The following NCOR1 variants were observed in gnomAD, a reference collection of about 807,000 sequenced individuals.
NCOR1 encodes protein phosphatase 1, regulatory subunit 109.
A neutral mutation model predicts 288.1 loss-of-function variants in NCOR1; 63 were observed. The ratio of observed to expected loss-of-function variants is 0.22; its 90% CI spans 0.18 to 0.27. NCOR1 has a LOEUF of 0.27. NCOR1 is among the 10% of genes least tolerant of loss of function. NCOR1 has a pLI of 1.00. For missense variants in NCOR1, 2,397 were observed against 3,019.2 expected, an observed-to-expected ratio of 0.79 and a Z score of 4.83; for synonymous variants, 1,007 against 1,065.9, an observed-to-expected ratio of 0.94 and a Z score of 1.08.
At position 16,029,347 on chromosome 17, in the gene NCOR1, T is replaced by A; in HGVS notation, c.*2949A>T. 5.0e-6 allele frequency: 2 copies of A among 399,116 alleles called. No individual in the cohort carries two copies. Among genetic ancestry groups the A allele is most frequent in the South Asian group, 1.9e-5 (1 of 53,474 alleles). 24.7% of individuals were successfully genotyped at this position (399,116 alleles called of 1,614,324 possible). A position where few individuals can be genotyped will look rare whatever the true frequency, so the allele number is the denominator to read the frequency against. On this transcript the variant is annotated 3_prime_UTR_variant, in exon 46 of 46. Coordinates refer to ENST00000268712, the MANE Select transcript of NCOR1 (RefSeq NM_006311.4). ...AGGAGGACTGATCTCCTTTACTGATTGGTCTAAATTCAAAAGTGAATTGGT... is the reference window on the plus strand; with the variant it reads ...AGGAGGACTGATCTCCTTTACTGATAGGTCTAAATTCAAAAGTGAATTGGT...
chr17:16,109,686 A>G (rs936120271), intron 18 of NCOR1, among the ~76,000 whole-genome samples: 6 of 152,190 alleles, frequency 3.9e-5, no homozygotes, highest in Non-Finnish European at 7.3e-5. Flanking sequence ...GCAATTTTAT[A>G]AGCAACAACT....
intron 22 of NCOR1, among the ~76,000 whole-genome samples, chr17:16,090,697 C>A (rs544268465): frequency 3.9e-5 from 6 of 152,088 alleles, no homozygotes; most frequent in Non-Finnish European, 8.8e-5. Context: ...TTTCCTAGCA[C>A]AAGATTTATG....
rs1356589785 is a variant in NCOR1, at chr17:16,092,679, ATATATATATATATATATT to A, written c.2821-639_2821-622del. ...TATATATATATATATATATATATAT[ATATATATATATATATATT>A]TTTTTTTTTTTTTTTTTTTAAGACA... On this transcript the variant is annotated intron_variant, in intron 21 of 45. Coordinates refer to ENST00000268712, the MANE Select transcript of NCOR1 (RefSeq NM_006311.4). Among the ~76,000 whole-genome samples the A allele has an allele frequency of 2.9e-3, 55 of 18,676 alleles. 3 individuals are homozygous for A. The highest frequency in any genetic ancestry group is 0.015 in the African/African-American group (53 of 3,488). 12.3% of individuals were successfully genotyped at this position (18,676 alleles called of 152,430 possible). A position where few individuals can be genotyped will look rare whatever the true frequency, so the allele number is the denominator to read the frequency against.
rs1384893813 is a variant in NCOR1 at position 16,029,662 on chromosome 17, G to GT, written c.*2633dup. The GT allele has an allele frequency of 1.8e-5, 3 of 167,462 alleles. No homozygotes were observed. The highest frequency in any genetic ancestry group is 3.3e-4 in the East Asian group (2 of 6,018). 10.4% of individuals were successfully genotyped at this position (167,462 alleles called of 1,614,324 possible). A position where few individuals can be genotyped will look rare whatever the true frequency, so the allele number is the denominator to read the frequency against. On this transcript the variant is annotated 3_prime_UTR_variant, in exon 46 of 46. Coordinates refer to ENST00000268712, the MANE Select transcript of NCOR1 (RefSeq NM_006311.4). ...ATGTTTTGGTTTGCAGTGAACCACA[G>GT]TAAGTTGTCAGTGCTGCTCTGTGCT...
rs779950557 is a variant in NCOR1, at chr17:16,186,656, T to C, written c.140A>G (p.His47Arg). The C allele has an allele frequency of 1.2e-6, 2 of 1,613,474 alleles. No homozygotes were observed. Among genetic ancestry groups the C allele is most frequent in the Non-Finnish European group, 1.7e-6 (2 of 1,179,562 alleles). The change falls in exon 3 of 46, where the codon CAT (histidine) becomes CGT (arginine). Residue 47 changes from histidine (H) to arginine (R), a missense_variant. By Grantham distance (29) the His-to-Arg change is conservative. Around this residue, in one of 11 missense-constraint regions of NCOR1, gnomAD observed 55 missense variants for 69.6 expected, o/e 0.79. Transcript: ENST00000268712. ...EFAVPDYRSS[H>R]LEVSQASQLL... Reference sequence around the variant, plus strand: ...CTGTGATGCCTGACTCACTTCAAGATGAGAGGAACGATAATCAGGGACTGC... The same window carrying C: ...CTGTGATGCCTGACTCACTTCAAGACGAGAGGAACGATAATCAGGGACTGC...
intron 15 of NCOR1, among the ~76,000 whole-genome samples, chr17:16,123,965 AAT>A (rs1247292089): frequency 6.6e-6 from 1 of 152,246 alleles, no homozygotes; most frequent in East Asian, 1.9e-4. Context: ...AAGCTTGTTA[AAT>A]AGTTTAGAAA....
chr17:16,062,417 G>T, intron 35 of NCOR1, 147 bp from the exon 36 acceptor site: 1 of 856,640 alleles, frequency 1.2e-6, no homozygotes, highest in Non-Finnish European at 1.6e-6. Context: ...CTACTTTCTG[G>T]CCTTTCCAGA....
At chr17:16,145,618 C>G (rs2077825729) in intron 10 of NCOR1, among the ~76,000 whole-genome samples, 1 of 152,056 alleles carries the variant, frequency 6.6e-6, no homozygotes, top group African/African-American at 2.4e-5. Flanking sequence ...AGCCCCTCTG[C>G]CCGGCAGCCG....
rs1599359683 is a variant in NCOR1, at chr17:16,144,495, T to C, written c.1083-799A>G. Among the ~76,000 whole-genome samples the C allele has an allele frequency of 2.0e-5, 3 of 152,180 alleles. No individual in the cohort carries two copies. The East Asian group carries it at 5.8e-4, about 29-fold the overall frequency. Reference sequence around the variant, plus strand: ...TACATGTGCAAGTTTGTTATATAGGTAAACCTGTGTCATGGGGATTTGTCG... The same window carrying C: ...TACATGTGCAAGTTTGTTATATAGGCAAACCTGTGTCATGGGGATTTGTCG... On this transcript the variant is annotated intron_variant, in intron 10 of 45. Transcript: ENST00000268712.
chr17:16,212,117 T>G (rs905792473), intron 1 of NCOR1, among the ~76,000 whole-genome samples: 2 of 151,638 alleles, frequency 1.3e-5, no homozygotes, highest in Admixed American at 1.3e-4. Context: ...ATACAAAAAT[T>G]AGCCAGGCAT....
intron 44 of NCOR1, chr17:16,039,133 A>G (rs976577745): frequency 7.4e-6 from 2 of 268,840 alleles, no homozygotes; most frequent in South Asian, 6.7e-5. Flanking sequence ...CAAAAACATT[A>G]TATTTGTGTT....
chr17:16,113,909 G>GA (rs749924815), intron 18 of NCOR1, among the ~76,000 whole-genome samples: 28 of 151,328 alleles, frequency 1.9e-4, no homozygotes, highest in Non-Finnish European at 1.6e-4. Context: ...AAAGAAAAAA[G>GA]AAAAAAATCT....
Position 16,147,819 on chromosome 17 carries a change from C to CA in NCOR1, c.910-1272dup, listed in dbSNP as rs371044674. 7.2e-3 allele frequency among the ~76,000 whole-genome samples: 1,098 copies of CA among 152,188 alleles called. 13 individuals are homozygous for CA. The highest frequency in any genetic ancestry group is 0.025 in the African/African-American group (1,057 of 41,536). ...GCATTCTTAATGTTGTAGCTAAATG[C>CA]AAATTCTTTTTTTTTTGGAACCAAG... On this transcript the variant is annotated intron_variant, in intron 9 of 45. Coordinates refer to ENST00000268712, the MANE Select transcript of NCOR1 (RefSeq NM_006311.4).
At chr17:16,207,467 C>T (rs1403940410) in intron 1 of NCOR1, among the ~76,000 whole-genome samples, 16 of 152,060 alleles carry the variant, frequency 1.1e-4, no homozygotes, top group Non-Finnish European at 2.1e-4. Flanking sequence ...CTTGGCGGGG[C>T]GCAGTGGCTC....
chr17:16,173,060 A>G (rs929663716), intron 3 of NCOR1, among the ~76,000 whole-genome samples: 2 of 151,950 alleles, frequency 1.3e-5, no homozygotes, highest in Admixed American at 6.6e-5. Flanking sequence ...CCTCCCCGGT[A>G]GCTGGGATTA....
Position 16,158,842 on chromosome 17 carries a change from G to A in NCOR1, c.650C>T (p.Pro217Leu), listed in dbSNP as rs1262435961. 1.2e-6 allele frequency: 2 copies of A among 1,614,092 alleles called. No homozygotes were observed. Among genetic ancestry groups the A allele is most frequent in the Non-Finnish European group, 1.7e-6 (2 of 1,179,996 alleles). Residue 217 changes from proline to leucine, a missense_variant, in exon 6 of 46, where the codon CCT becomes CTT. Pro to Leu is a moderately conservative substitution (Grantham distance 98). Coordinates refer to ENST00000268712, the MANE Select transcript of NCOR1 (RefSeq NM_006311.4). Reference sequence around the variant, plus strand: ...AGGGGACACGGGCTTCTCAGGCTCAGGAGGTTTAGCTGCCTCTTCTTCAAG... The same window carrying A: ...AGGGGACACGGGCTTCTCAGGCTCAAGAGGTTTAGCTGCCTCTTCTTCAAG... The part of the protein sequence containing the change: ...QQLEEEAAKP[P>L]EPEKPVSPPP...
At chr17:16,117,839 C>T (rs755091424) in intron 18 of NCOR1, 49 bp downstream of exon 18, 8 of 1,577,276 alleles carry the variant, frequency 5.1e-6, no homozygotes, top group Non-Finnish European at 6.9e-6. Flanking sequence ...AACAACAACA[C>T]TCTAAGTAAA....
intron 40 of NCOR1, among the ~76,000 whole-genome samples, chr17:16,051,759 C>T (rs983702889): frequency 2.6e-5 from 4 of 151,768 alleles, no homozygotes; most frequent in Non-Finnish European, 2.9e-5. Flanking sequence ...TAAAAAAATA[C>T]AAAATTAGCT....
intron 42 of NCOR1, among the ~76,000 whole-genome samples, chr17:16,045,542 T>G (rs1331785103): frequency 6.6e-6 from 1 of 152,206 alleles, no homozygotes; most frequent in African/African-American, 2.4e-5. Flanking sequence ...AGAGACTCAC[T>G]TTGTTGCCCA....
Sources: allele counts gnomAD v4.1 joint callset (sites outside exome capture counted in the v4.1 genomes callset), GRCh38; gene constraint gnomAD v4.1.1; regional missense constraint gnomAD v4.1.1; transcripts MANE v1.5; gene names NCBI Gene and HGNC (gene_info 2026-07-23, HGNC 2026-07-21).